Variants in NTRK2 observed in about 807,000 individuals in gnomAD.
NTRK2 encodes neurotrophic receptor tyrosine kinase 2, also known as BDNF/NT-3 growth factors receptor.
NTRK2 carries 13 observed loss-of-function variants against 94.5 expected under a neutral mutation model. That is an observed-to-expected ratio of 0.14 (90% confidence interval 0.09 to 0.22). The LOEUF is 0.22. Among genes scored for constraint, NTRK2 ranks in the 10% least tolerant of loss-of-function variants. NTRK2 has a pLI of 1.00. For missense variants in NTRK2, 639 were observed against 1,071.2 expected (o/e 0.60, Z 5.63); for synonymous variants, 372 against 407.4 (o/e 0.91, Z 1.05).
At chr9:84,903,960 G>A (rs1328084420) in intron 14 of NTRK2, among the ~76,000 whole-genome samples, 2 of 152,184 alleles carry the variant, frequency 1.3e-5, no homozygotes, top group Non-Finnish European at 2.9e-5. Context: ...AGAAAGAAAT[G>A]AGAAAAAAGC....
At chr9:84,836,934 GTATAATATAATATAATATAATATAA>G (rs56390905) in intron 12 of NTRK2, among the ~76,000 whole-genome samples, 19 of 134,194 alleles carry the variant, frequency 1.4e-4, no homozygotes, top group South Asian at 7.9e-4. Context: ...TTGTCGTAGA[GTATAATATAATATAATATAATATAA>G]TATAATATAA....
intron 12 of NTRK2, among the ~76,000 whole-genome samples, chr9:84,830,206 T>C (rs10119127): frequency 0.97 from 147,020 of 152,306 alleles, 71,006 homozygotes; most frequent in East Asian, 1. Context: ...CCCACCTTTC[T>C]CAGGCCCTCC....
intron 14 of NTRK2, among the ~76,000 whole-genome samples, chr9:84,893,228 T>C (rs2076648328): frequency 6.6e-6 from 1 of 152,186 alleles, no homozygotes; most frequent in Non-Finnish European, 1.5e-5. Flanking sequence ...CCGACTTTTT[T>C]AAACCATAGA....
intron 14 of NTRK2, among the ~76,000 whole-genome samples, chr9:84,922,066 T>C (rs1317666555): frequency 6.6e-6 from 1 of 152,200 alleles, no homozygotes; most frequent in African/African-American, 2.4e-5. Flanking sequence ...TGTGAAGATA[T>C]GACTTAGTGA....
chr9:84,838,417 C>A (rs894200681), intron 12 of NTRK2, among the ~76,000 whole-genome samples: 6 of 151,966 alleles, frequency 3.9e-5, no homozygotes, highest in African/African-American at 1.4e-4. Context: ...GCTCGCCATA[C>A]AATGTTAAGA....
intron 17 of NTRK2, among the ~76,000 whole-genome samples, chr9:85,007,519 G>A (rs1181245277): frequency 2.6e-5 from 4 of 152,214 alleles, no homozygotes; most frequent in Non-Finnish European, 5.9e-5. Context: ...GGAAAATGGG[G>A]AGTGATTGTT....
Position 85,023,099 on chromosome 9 carries a change from C to G in NTRK2, c.*1662C>G, listed in dbSNP as rs1429163431. On this transcript the variant is annotated 3_prime_UTR_variant, in exon 19 of 19. Coordinates refer to ENST00000277120, the MANE Select transcript of NTRK2 (RefSeq NM_006180.6). Reference sequence around the variant, plus strand: ...CGGGAGGCTGTGCCCAGACCAAGCACTGGAAGTGTGCTTCTAGGCATAGTC... The same window carrying G: ...CGGGAGGCTGTGCCCAGACCAAGCAGTGGAAGTGTGCTTCTAGGCATAGTC... The G allele has an allele frequency of 8.6e-6, 2 of 233,052 alleles. No individual in the cohort carries two copies. Among genetic ancestry groups the G allele is most frequent in the African/African-American group, 4.4e-5 (2 of 45,344 alleles). 14.4% of individuals were successfully genotyped at this position (233,052 alleles called of 1,614,324 possible).
At chr9:84,764,810 G>C (rs1217781758) in intron 12 of NTRK2, among the ~76,000 whole-genome samples, 2 of 152,128 alleles carry the variant, frequency 1.3e-5, no homozygotes, top group Non-Finnish European at 1.5e-5. Flanking sequence ...AAAGCAACTT[G>C]TGTCCATCAG....
At chr9:84,862,703 T>G (rs897741075) in intron 13 of NTRK2, among the ~76,000 whole-genome samples, 2 of 152,188 alleles carry the variant, frequency 1.3e-5, no homozygotes, top group Non-Finnish European at 2.9e-5. Context: ...GGGCACACCA[T>G]GGCATGCAGA....
intron 12 of NTRK2, among the ~76,000 whole-genome samples, chr9:84,831,574 C>T (rs1173716569): frequency 6.6e-6 from 1 of 152,184 alleles, no homozygotes; most frequent in East Asian, 1.9e-4. Context: ...GTAATCCTCA[C>T]AACATTCCTG....
intron 17 of NTRK2, among the ~76,000 whole-genome samples, chr9:84,988,546 A>G (rs1267464912): frequency 1.1e-4 from 17 of 152,166 alleles, no homozygotes; most frequent in Non-Finnish European, 5.9e-5. Flanking sequence ...GAACCACTGC[A>G]TTAGAGAATC....
chr9:84,878,814 C>T (rs1456965378), intron 14 of NTRK2, among the ~76,000 whole-genome samples: 1 of 152,150 alleles, frequency 6.6e-6, no homozygotes, highest in Admixed American at 6.5e-5. Flanking sequence ...CCTCAGGGCT[C>T]CTTCTGGCCT....
At chr9:84,887,987 G>A (rs2076469302) in intron 14 of NTRK2, among the ~76,000 whole-genome samples, 1 of 152,140 alleles carries the variant, frequency 6.6e-6, no homozygotes, top group Non-Finnish European at 1.5e-5. Flanking sequence ...TACAAGGGAT[G>A]ACAAAACCCA....
chr9:84,739,680 G>T (rs1278422931), intron 9 of NTRK2, among the ~76,000 whole-genome samples: 1 of 152,092 alleles, frequency 6.6e-6, no homozygotes, highest in Non-Finnish European at 1.5e-5. Context: ...GGGGGTCTGT[G>T]GGGGCCTGAG....
Position 84,844,647 on chromosome 9 carries a change from ACT to A in NTRK2, c.1397-16391_1397-16390del, listed in dbSNP as rs1213883590. On this transcript the variant is annotated intron_variant, in intron 12 of 18. Coordinates refer to ENST00000277120, the MANE Select transcript of NTRK2 (RefSeq NM_006180.6). The stretch of plus-strand genomic sequence containing the variant: ...AATGAAAACTACAATGTAATACCTC[ACT>A]CACACACACACACACACACACACAC... Among the ~76,000 whole-genome samples the A allele has an allele frequency of 3.3e-3, 299 of 91,724 alleles. 1 individual carries two copies. Among genetic ancestry groups the A allele is most frequent in the Admixed American group, 0.012 (87 of 7,258 alleles). The allele number at this position is 91,724 out of a possible 152,430, so 60.2% of individuals were successfully genotyped here.
intron 14 of NTRK2, among the ~76,000 whole-genome samples, chr9:84,879,960 T>TTC (rs2076206736): frequency 6.6e-6 from 1 of 152,236 alleles, no homozygotes; most frequent in South Asian, 2.1e-4. Flanking sequence ...CTGTGATGTT[T>TTC]TCTCTCTCAG....
chr9:84,820,030 TAA>T (rs986017048), intron 12 of NTRK2, among the ~76,000 whole-genome samples: 31 of 152,300 alleles, frequency 2.0e-4, no homozygotes, highest in African/African-American at 6.7e-4. Flanking sequence ...AAATATTTAT[TAA>T]GTGTCAATTA....
chr9:84,873,910 T>G (rs199724840), intron 14 of NTRK2: 66 of 1,062,318 alleles, frequency 6.2e-5, no homozygotes, highest in Non-Finnish European at 7.2e-5. Flanking sequence ...GGAGACAGAG[T>G]GATATTCTGA....
intron 17 of NTRK2, among the ~76,000 whole-genome samples, chr9:85,018,188 G>A (rs1832440358): frequency 6.6e-6 from 1 of 152,138 alleles, no homozygotes. Flanking sequence ...TTCATCATCT[G>A]TAGGCTAGAG....
Sources: allele counts gnomAD v4.1 joint callset (sites outside exome capture counted in the v4.1 genomes callset), GRCh38; gene constraint gnomAD v4.1.1; transcripts MANE v1.5; gene names NCBI Gene and HGNC (gene_info 2026-07-23, HGNC 2026-07-21).